The following GABRG3 variants were observed in gnomAD, a reference collection of about 807,000 sequenced individuals.
GABRG3 encodes gamma-aminobutyric acid type A receptor subunit gamma3, also known as gamma-aminobutyric acid receptor subunit gamma-3.
In GABRG3, 25 loss-of-function variants were observed where a neutral mutation model predicts 48.8. The ratio of observed to expected loss-of-function variants is 0.51; its 90% CI spans 0.37 to 0.72. The LOEUF is 0.72. Among genes scored for constraint, GABRG3 ranks in the 30% least tolerant of loss-of-function variants. The pLI is 0.00. For synonymous variants in GABRG3, 227 were observed against 217.6 expected (o/e 1.04, Z -0.38); for missense variants, 394 against 577.9 (o/e 0.68, Z 3.26).
intron 3 of GABRG3, among the ~76,000 whole-genome samples, chr15:27,111,982 GA>G (rs1048116879): frequency 2.0e-5 from 3 of 152,246 alleles, no homozygotes; most frequent in African/African-American, 7.2e-5. Context: ...CCTCTGCCAG[GA>G]CCAGGAGGGG....
chr15:27,275,555 G>A (rs936712016), intron 3 of GABRG3, among the ~76,000 whole-genome samples: 2 of 152,120 alleles, frequency 1.3e-5, no homozygotes, highest in Non-Finnish European at 2.9e-5. Context: ...TGGGATATAC[G>A]TGTCTCAGAC....
chr15:27,369,086 TG>T (rs2140554129), intron 5 of GABRG3, among the ~76,000 whole-genome samples: 1 of 152,382 alleles, frequency 6.6e-6, no homozygotes, highest in East Asian at 1.9e-4. Context: ...CTTGCTTATG[TG>T]TAATATTAAA....
intron 3 of GABRG3, among the ~76,000 whole-genome samples, chr15:27,103,631 C>G (rs1010750257): frequency 2.0e-5 from 3 of 152,164 alleles, no homozygotes; most frequent in African/African-American, 7.2e-5. Flanking sequence ...TTTAAGATTA[C>G]AAACATGTTA....
At chr15:27,283,710 GTT>G (rs1460839098) in intron 3 of GABRG3, among the ~76,000 whole-genome samples, 1 of 152,152 alleles carries the variant, frequency 6.6e-6, no homozygotes, top group Admixed American at 6.5e-5. Context: ...AGCATCTCCA[GTT>G]TACAGGCTTC....
chr15:27,189,252 C>A (rs1888211269), intron 3 of GABRG3, among the ~76,000 whole-genome samples: 1 of 151,468 alleles, frequency 6.6e-6, no homozygotes, highest in Non-Finnish European at 1.5e-5. Context: ...TAGTTTTTTC[C>A]AATTCTGTGA....
intron 6 of GABRG3, among the ~76,000 whole-genome samples, chr15:27,515,323 A>G (rs543622113): frequency 6.6e-6 from 1 of 152,208 alleles, no homozygotes; most frequent in Admixed American, 6.5e-5. Flanking sequence ...TGAACTCCTG[A>G]CCTCGGGTTA....
intron 3 of GABRG3, among the ~76,000 whole-genome samples, chr15:27,215,470 C>T (rs201039527): frequency 6.6e-6 from 1 of 152,326 alleles, no homozygotes; most frequent in East Asian, 1.9e-4. Flanking sequence ...TGCTACCCTG[C>T]AGTTACACTG....
intron 3 of GABRG3, among the ~76,000 whole-genome samples, chr15:27,253,080 G>C (rs1890510583): frequency 3.9e-5 from 6 of 152,182 alleles, no homozygotes; most frequent in Admixed American, 3.9e-4. Flanking sequence ...CCTATGGCAG[G>C]CTCACAGAAC....
intron 3 of GABRG3, among the ~76,000 whole-genome samples, chr15:27,095,883 C>G (rs1897259603): frequency 6.6e-6 from 1 of 152,150 alleles, no homozygotes. Context: ...CATGCAGAAA[C>G]TGAGCTCCTC....
intron 3 of GABRG3, among the ~76,000 whole-genome samples, chr15:27,031,910 C>T (rs1227002222): frequency 6.6e-6 from 1 of 152,172 alleles, no homozygotes; most frequent in Admixed American, 6.5e-5. Flanking sequence ...TTTTTCTTTG[C>T]ATTTCTCCTG....
intron 3 of GABRG3, among the ~76,000 whole-genome samples, chr15:27,131,376 G>A (rs1319748574): frequency 6.6e-6 from 1 of 151,868 alleles, no homozygotes; most frequent in Non-Finnish European, 1.5e-5. Flanking sequence ...TGTTTTTCAG[G>A]AACAAACCAT....
intron 2 of GABRG3, among the ~76,000 whole-genome samples, chr15:26,983,222 G>A (rs972733730): frequency 2.6e-5 from 4 of 151,230 alleles, no homozygotes; most frequent in African/African-American, 9.7e-5. Flanking sequence ...CCTTATCAAG[G>A]TGCAGTGAAC....
chr15:27,031,595 A>G (rs1161778525), intron 3 of GABRG3, among the ~76,000 whole-genome samples: 1 of 152,202 alleles, frequency 6.6e-6, no homozygotes, highest in Non-Finnish European at 1.5e-5. Context: ...AACATCACCA[A>G]ATTATACTAT....
chr15:27,097,968 A>G (rs913261394), intron 3 of GABRG3, among the ~76,000 whole-genome samples: 18 of 151,572 alleles, frequency 1.2e-4, no homozygotes, highest in African/African-American at 4.1e-4. Flanking sequence ...GATGTCTTAT[A>G]AGAAGAGAAG....
At chr15:27,512,726 AG>A (rs1890924567) in intron 6 of GABRG3, among the ~76,000 whole-genome samples, 1 of 152,230 alleles carries the variant, frequency 6.6e-6, no homozygotes, top group Non-Finnish European at 1.5e-5. Context: ...ACTCACAAAC[AG>A]GGCTCAGATA....
At chr15:27,238,486 T>C (rs933454522) in intron 3 of GABRG3, among the ~76,000 whole-genome samples, 8 of 152,208 alleles carry the variant, frequency 5.3e-5, no homozygotes, top group Non-Finnish European at 1.2e-4. Flanking sequence ...TGGAGTTACA[T>C]AGATCTGGAT....
intron 2 of GABRG3, among the ~76,000 whole-genome samples, chr15:27,020,963 G>A (rs1895883462): frequency 6.6e-6 from 1 of 152,150 alleles, no homozygotes; most frequent in East Asian, 1.9e-4. Flanking sequence ...TCTTTCAAAA[G>A]TAAGACAGTG....
intron 5 of GABRG3, among the ~76,000 whole-genome samples, chr15:27,421,510 A>G (rs892074005): frequency 6.6e-6 from 1 of 152,054 alleles, no homozygotes; most frequent in South Asian, 2.1e-4. Context: ...AAATCCACCA[A>G]TACTGAGTGT....
At chr15:27,101,871 GA>G (rs1897365652) in intron 3 of GABRG3, among the ~76,000 whole-genome samples, 3 of 136,218 alleles carry the variant, frequency 2.2e-5, no homozygotes, top group South Asian at 2.4e-4. Context: ...AAAAAATTCT[GA>G]AAAAAATATC....
Sources: allele counts gnomAD v4.1 joint callset (sites outside exome capture counted in the v4.1 genomes callset), GRCh38; gene constraint gnomAD v4.1.1; transcripts MANE v1.5; gene names NCBI Gene and HGNC (gene_info 2026-07-23, HGNC 2026-07-21).